ZNF892: variants seen among roughly 807,000 people sequenced by gnomAD.
ZNF892 encodes the protein zinc finger protein 892.
chr2:95,225,136 A>G, the ZNF892 span, among the ~76,000 whole-genome samples: 13 of 152,358 alleles, frequency 8.5e-5, no homozygotes, highest in African/African-American at 2.9e-4. Context: ...TAATGTTTTC[A>G]TAAGGTTTAT....
chr2:95,233,017 T>C, the ZNF892 span, among the ~76,000 whole-genome samples: 1 of 152,176 alleles, frequency 6.6e-6, no homozygotes, highest in South Asian at 2.1e-4. Flanking sequence ...ATGTCCTGTT[T>C]CCTGCCTGAT....
the ZNF892 span, among the ~76,000 whole-genome samples, chr2:95,220,713 A>AAGAT: frequency 6.3e-3 from 957 of 152,294 alleles, 10 homozygotes; most frequent in African/African-American, 0.022. Context: ...ATTTGTCCTG[A>AAGAT]AGATAAGCTG....
the ZNF892 span, among the ~76,000 whole-genome samples, chr2:95,226,840 T>C: frequency 6.6e-6 from 1 of 152,090 alleles, no homozygotes; most frequent in Non-Finnish European, 1.5e-5. Flanking sequence ...ACTAAGGGTC[T>C]CAATCCACTG....
the ZNF892 span, among the ~76,000 whole-genome samples, chr2:95,228,889 G>A: frequency 6.6e-6 from 1 of 152,050 alleles, no homozygotes; most frequent in Non-Finnish European, 1.5e-5. Context: ...TTACCCCTCT[G>A]CTCACTGAGA....
At chr2:95,225,817 G>C in the ZNF892 span, among the ~76,000 whole-genome samples, 1 of 152,184 alleles carries the variant, frequency 6.6e-6, no homozygotes, top group South Asian at 2.1e-4. Context: ...CTCTGAGCCT[G>C]TGAAATTAAA....
At chr2:95,210,087 G>GTA in the ZNF892 span, among the ~76,000 whole-genome samples, 2 of 149,446 alleles carry the variant, frequency 1.3e-5, no homozygotes, top group African/African-American at 2.4e-5. Flanking sequence ...ATGTATATAT[G>GTA]TATATATATG....
chr2:95,257,084 T>A, the ZNF892 span, among the ~76,000 whole-genome samples: 66 of 152,356 alleles, frequency 4.3e-4, no homozygotes, highest in African/African-American at 1.3e-3. Context: ...GTCAAAGTCA[T>A]TCTGTGACCA....
chr2:95,254,475 C>T, the ZNF892 span, among the ~76,000 whole-genome samples: 3 of 152,158 alleles, frequency 2.0e-5, no homozygotes, highest in African/African-American at 7.2e-5. Context: ...CTGCTGGATT[C>T]AGTTTGCCAG....
chr2:95,242,945 C>A, the ZNF892 span, among the ~76,000 whole-genome samples: 1 of 152,340 alleles, frequency 6.6e-6, no homozygotes, highest in African/African-American at 2.4e-5. Flanking sequence ...ACTGCAACCT[C>A]CCTGCCTGAT....
the ZNF892 span, chr2:95,214,289 C>A: frequency 2.5e-6 from 1 of 398,110 alleles, no homozygotes; most frequent in Non-Finnish European, 4.4e-6. Flanking sequence ...AGTTATTTTT[C>A]TCTCAGTGTA....
the ZNF892 span, among the ~76,000 whole-genome samples, chr2:95,218,829 T>C: frequency 1.3e-5 from 2 of 152,226 alleles, no homozygotes; most frequent in Admixed American, 1.3e-4. Context: ...TGCATAGGTG[T>C]GGAGAGAAAT....
chr2:95,212,481 C>T, the ZNF892 span, among the ~76,000 whole-genome samples: 2 of 152,224 alleles, frequency 1.3e-5, no homozygotes, highest in Non-Finnish European at 2.9e-5. Flanking sequence ...ACTTTCTACT[C>T]TTTCAAACCA....
At chr2:95,260,652 C>T in the ZNF892 span, among the ~76,000 whole-genome samples, 3 of 152,212 alleles carry the variant, frequency 2.0e-5, no homozygotes, top group Admixed American at 6.5e-5. Context: ...TTCTCATCCT[C>T]TCTCCCTCTG....
chr2:95,252,738 C>G, the ZNF892 span, among the ~76,000 whole-genome samples: 2 of 152,308 alleles, frequency 1.3e-5, no homozygotes, highest in Admixed American at 6.5e-5. Context: ...CACATCCTCT[C>G]CAGCACCTGT....
the ZNF892 span, among the ~76,000 whole-genome samples, chr2:95,223,672 A>T: frequency 6.6e-6 from 1 of 152,192 alleles, no homozygotes; most frequent in Admixed American, 6.5e-5. Flanking sequence ...AAGTGCTGGA[A>T]ATACAAGCAT....
the ZNF892 span, among the ~76,000 whole-genome samples, chr2:95,210,882 A>G: frequency 3.9e-5 from 6 of 152,162 alleles, no homozygotes; most frequent in Admixed American, 2.6e-4. Flanking sequence ...CTGAGCTGAG[A>G]TCTGAAGGGA....
At chr2:95,224,660 T>C in the ZNF892 span, among the ~76,000 whole-genome samples, 22 of 152,156 alleles carry the variant, frequency 1.4e-4, no homozygotes, top group African/African-American at 5.1e-4. Context: ...ACCTCCAACA[T>C]TGAGGATTAC....
the ZNF892 span, among the ~76,000 whole-genome samples, chr2:95,214,011 A>G: frequency 6.6e-6 from 1 of 152,094 alleles, no homozygotes; most frequent in Non-Finnish European, 1.5e-5. Context: ...TCCTTTTTTA[A>G]AAAAATCTGC....
chr2:95,252,173 G>A, the ZNF892 span, among the ~76,000 whole-genome samples: 3 of 152,018 alleles, frequency 2.0e-5, no homozygotes, highest in African/African-American at 4.8e-5. Flanking sequence ...CCATGTTGGT[G>A]TGCTGCAGCC....
Sources: allele counts gnomAD v4.1 joint callset (sites outside exome capture counted in the v4.1 genomes callset), GRCh38; gene constraint gnomAD v4.1.1; transcripts MANE v1.5; gene names NCBI Gene and HGNC (gene_info 2026-07-23, HGNC 2026-07-21).